The following RPS6KC1 variants were observed in gnomAD, a reference collection of about 807,000 sequenced individuals.
RPS6KC1 encodes inactive ribosomal protein S6 kinase delta-1.
In RPS6KC1, 54 loss-of-function variants were observed where a neutral mutation model predicts 103.8. The ratio of observed to expected loss-of-function variants is 0.52; its 90% CI spans 0.42 to 0.65. The LOEUF (loss-of-function observed/expected upper bound fraction) is 0.65. Among genes scored for constraint, RPS6KC1 ranks in the 30% least tolerant of loss-of-function variants. RPS6KC1 has a pLI of 0.00. For missense variants in RPS6KC1, 1,151 were observed against 1,253.8 expected (o/e 0.92, Z 1.24); for synonymous variants, 439 against 438.7 (o/e 1.00, Z -0.01).
chr1:213,744,023 C>T, the RPS6KC1 span, among the ~76,000 whole-genome samples: 3 of 152,032 alleles, frequency 2.0e-5, no homozygotes, highest in African/African-American at 4.8e-5. Flanking sequence ...TGAAGTGACT[C>T]GGAAATGGAA....
At chr1:213,298,049 C>A in the RPS6KC1 span, among the ~76,000 whole-genome samples, 1 of 152,226 alleles carries the variant, frequency 6.6e-6, no homozygotes, top group Non-Finnish European at 1.5e-5. Context: ...CTGAGCACCC[C>A]CAGACCAGCA....
At chr1:213,573,174 C>A in the RPS6KC1 span, among the ~76,000 whole-genome samples, 1 of 152,182 alleles carries the variant, frequency 6.6e-6, no homozygotes, top group Non-Finnish European at 1.5e-5. Flanking sequence ...TGCTAGGGTT[C>A]CGTCAATAAG....
the RPS6KC1 span, among the ~76,000 whole-genome samples, chr1:213,550,706 T>A: frequency 1.3e-5 from 2 of 152,202 alleles, no homozygotes; most frequent in Non-Finnish European, 2.9e-5. Flanking sequence ...TGTTTAGGCA[T>A]CTATCTCTGT....
At chr1:213,652,836 A>G in the RPS6KC1 span, among the ~76,000 whole-genome samples, 1 of 152,192 alleles carries the variant, frequency 6.6e-6, no homozygotes, top group African/African-American at 2.4e-5. Context: ...GCCAGGCAAA[A>G]TCAGCAGGGA....
At chr1:213,165,081 G>A (rs1209620870) in intron 6 of RPS6KC1, among the ~76,000 whole-genome samples, 2 of 151,890 alleles carry the variant, frequency 1.3e-5, no homozygotes, top group African/African-American at 4.8e-5. Context: ...AATCTATAGA[G>A]TCATCTTTTT....
chr1:213,121,553 A>T (rs777193118), intron 5 of RPS6KC1, among the ~76,000 whole-genome samples: 2 of 152,206 alleles, frequency 1.3e-5, no homozygotes, highest in Admixed American at 6.6e-5. Flanking sequence ...AATTAAATTT[A>T]GCCGTGAAGT....
chr1:213,518,277 T>A, the RPS6KC1 span, among the ~76,000 whole-genome samples: 1 of 152,210 alleles, frequency 6.6e-6, no homozygotes, highest in African/African-American at 2.4e-5. Flanking sequence ...TTTGCAGATG[T>A]AATTAAGTTG....
At chr1:213,590,642 A>G in the RPS6KC1 span, among the ~76,000 whole-genome samples, 1 of 152,174 alleles carries the variant, frequency 6.6e-6, no homozygotes, top group African/African-American at 2.4e-5. Context: ...CACGCTGATC[A>G]GTCATTCAAA....
the RPS6KC1 span, among the ~76,000 whole-genome samples, chr1:213,591,229 C>A: frequency 2.6e-5 from 4 of 152,180 alleles, no homozygotes; most frequent in African/African-American, 9.7e-5. Context: ...CTTCTCTGCC[C>A]CTACTCTGCA....
At chr1:213,254,431 A>G (rs961075226) in intron 12 of RPS6KC1, among the ~76,000 whole-genome samples, 11 of 152,126 alleles carry the variant, frequency 7.2e-5, no homozygotes, top group African/African-American at 2.7e-4. Flanking sequence ...GTGGCTATGT[A>G]TAGAAAGGAG....
chr1:213,622,947 C>T, the RPS6KC1 span, among the ~76,000 whole-genome samples: 44 of 152,208 alleles, frequency 2.9e-4, no homozygotes, highest in Non-Finnish European at 2.5e-4. Flanking sequence ...TTCAGTCGCG[C>T]GAGGCCAGAC....
At chr1:213,858,163 A>C in the RPS6KC1 span, among the ~76,000 whole-genome samples, 6 of 152,268 alleles carry the variant, frequency 3.9e-5, no homozygotes, top group East Asian at 1.2e-3. Flanking sequence ...AATAATAAAA[A>C]CTTTAACTGG....
intron 8 of RPS6KC1, among the ~76,000 whole-genome samples, chr1:213,202,594 T>G (rs979039594): frequency 6.6e-6 from 1 of 151,960 alleles, no homozygotes; most frequent in Admixed American, 6.6e-5. Context: ...ACCTGGGCGA[T>G]AGAGTGAGAC....
At chr1:213,779,303 AG>A in the RPS6KC1 span, among the ~76,000 whole-genome samples, 5 of 152,050 alleles carry the variant, frequency 3.3e-5, no homozygotes, top group African/African-American at 1.2e-4. Flanking sequence ...AAAGACCCAA[AG>A]GGCCCCTTAA....
chr1:213,329,354 T>G, the RPS6KC1 span, among the ~76,000 whole-genome samples: 1 of 152,062 alleles, frequency 6.6e-6, no homozygotes, highest in African/African-American at 2.4e-5. Context: ...TCTGGGCATT[T>G]TAATTCCATG....
chr1:213,426,019 C>T, the RPS6KC1 span, among the ~76,000 whole-genome samples: 3 of 152,104 alleles, frequency 2.0e-5, no homozygotes, highest in Admixed American at 1.3e-4. Context: ...TGTTTTATAC[C>T]TCTTTTTGTT....
intron 6 of RPS6KC1, among the ~76,000 whole-genome samples, chr1:213,148,712 T>C (rs1004411129): frequency 2.0e-5 from 3 of 152,180 alleles, no homozygotes; most frequent in African/African-American, 4.8e-5. Flanking sequence ...TTTATAAGTA[T>C]TCCCTCCTCT....
chr1:213,569,825 G>C, the RPS6KC1 span, among the ~76,000 whole-genome samples: 1 of 152,120 alleles, frequency 6.6e-6, no homozygotes, highest in Non-Finnish European at 1.5e-5. Flanking sequence ...AGAAACTCGA[G>C]GTGAGTTTGA....
the RPS6KC1 span, among the ~76,000 whole-genome samples, chr1:213,288,973 G>A: frequency 6.6e-6 from 1 of 152,100 alleles, no homozygotes; most frequent in African/African-American, 2.4e-5. Flanking sequence ...ATCTGACACA[G>A]AACATGGAAC....
Sources: gnomAD v4.1 joint callset for allele counts (sites outside exome capture counted in the v4.1 genomes callset) on GRCh38, gnomAD v4.1.1 for gene constraint, MANE v1.5 for transcripts, NCBI Gene and HGNC (gene_info 2026-07-23, HGNC 2026-07-21) for gene names.